Variants in HNF4G observed in about 807,000 individuals in gnomAD.
The protein encoded by HNF4G is hepatocyte nuclear factor 4-gamma.
In HNF4G, 21 loss-of-function variants were observed where a neutral mutation model predicts 50.9. That is an observed-to-expected ratio of 0.41 (90% confidence interval 0.29 to 0.59). The LOEUF (loss-of-function observed/expected upper bound fraction) is 0.59. Among genes scored for constraint, HNF4G ranks in the 20% least tolerant of loss-of-function variants. The pLI is 0.26. For missense variants in HNF4G, 527 were observed against 559.4 expected, an observed-to-expected ratio of 0.94 and a Z score of 0.58; for synonymous variants, 198 against 185.6, an observed-to-expected ratio of 1.07 and a Z score of -0.54.
chr8:75,494,658 C>A (rs1315366508), intron 2 of HNF4G, among the ~76,000 whole-genome samples: 9 of 151,768 alleles, frequency 5.9e-5, no homozygotes, highest in Non-Finnish European at 1.2e-4. Flanking sequence ...TAGATTACTG[C>A]CTTGAACATA....
intron 5 of HNF4G, among the ~76,000 whole-genome samples, chr8:75,555,008 A>G (rs757990259): frequency 2.0e-5 from 3 of 152,168 alleles, no homozygotes; most frequent in Non-Finnish European, 4.4e-5. Context: ...TGCAAGATGA[A>G]GTCAGAGACA....
intron 2 of HNF4G, among the ~76,000 whole-genome samples, chr8:75,510,061 A>G (rs557046066): frequency 6.6e-6 from 1 of 152,290 alleles, no homozygotes; most frequent in Admixed American, 6.5e-5. Context: ...TTTGTCCCTG[A>G]AAACCTTCCA....
intron 1 of HNF4G, among the ~76,000 whole-genome samples, chr8:75,426,183 A>G (rs1247996900): frequency 6.6e-6 from 1 of 152,184 alleles, no homozygotes; most frequent in Non-Finnish European, 1.5e-5. Context: ...ACAACAATAT[A>G]TTCCTAAGTT....
chr8:75,536,432 G>A (rs1806466277), upstream of HNF4G, among the ~76,000 whole-genome samples: 1 of 151,680 alleles, frequency 6.6e-6, no homozygotes, highest in Non-Finnish European at 1.5e-5. Flanking sequence ...TATCACTTAG[G>A]CATAAAATTA....
chr8:75,429,399 AT>A (rs1810957223), intron 1 of HNF4G, among the ~76,000 whole-genome samples: 1 of 151,922 alleles, frequency 6.6e-6, no homozygotes, highest in Non-Finnish European at 1.5e-5. Context: ...ATACAGACAT[AT>A]TAATATAAAG....
intron 2 of HNF4G, among the ~76,000 whole-genome samples, chr8:75,493,855 TA>T (rs1212631469): frequency 6.6e-6 from 1 of 152,206 alleles, no homozygotes; most frequent in Non-Finnish European, 1.5e-5. Flanking sequence ...AAAAAATGTT[TA>T]AAAATTTGTC....
At chr8:75,525,292 C>T (rs545137189) in intron 2 of HNF4G, among the ~76,000 whole-genome samples, 3 of 152,268 alleles carry the variant, frequency 2.0e-5, no homozygotes, top group African/African-American at 7.2e-5. Flanking sequence ...CCTCAGCCTC[C>T]TGAGTAGCTG....
intron 1 of HNF4G, among the ~76,000 whole-genome samples, chr8:75,542,204 C>G (rs961538843): frequency 6.6e-6 from 1 of 151,968 alleles, no homozygotes; most frequent in Non-Finnish European, 1.5e-5. Context: ...ACTCGGGAGG[C>G]TGAGGTGGGA....
rs972245332 is a variant in HNF4G, at chr8:75,566,110, C to A, written c.*2014C>A. On this transcript the variant is annotated 3_prime_UTR_variant, in exon 10 of 10. Transcript: ENST00000396423. ...TACTATGAACTTGGCAGCTTATAAA[C>A]AACAGAAATTTATTTCTCGCTGTTC... 2.6e-5 allele frequency: 4 copies of A among 151,988 alleles called. No individual in the cohort carries two copies. In the East Asian group the frequency reaches 5.8e-4, roughly 22 times the overall value. The allele number at this position is 151,988 out of a possible 1,614,324, so 9.4% of individuals were successfully genotyped here. A position where few individuals can be genotyped will look rare whatever the true frequency, so the allele number is the denominator to read the frequency against.
chr8:75,480,717 C>CTTTTTTTTTTTTTTTTTT (rs748221253), intron 1 of HNF4G, among the ~76,000 whole-genome samples: 3 of 123,914 alleles, frequency 2.4e-5, no homozygotes, highest in Non-Finnish European at 3.3e-5. Flanking sequence ...TTTTCTTTTT[C>CTTTTTTTTTTTTTTTTTT]TTTCTTTTTT....
chr8:75,458,129 C>T (rs1398605422), intron 1 of HNF4G, among the ~76,000 whole-genome samples: 3 of 151,996 alleles, frequency 2.0e-5, no homozygotes, highest in South Asian at 2.1e-4. Context: ...CTAGCCTGCT[C>T]ACTGGTAGGT....
At chr8:75,452,763 A>C (rs1811617488) in intron 1 of HNF4G, among the ~76,000 whole-genome samples, 1 of 152,168 alleles carries the variant, frequency 6.6e-6, no homozygotes, top group African/African-American at 2.4e-5. Context: ...GCAATTAGTA[A>C]CTGTTTGAGC....
chr8:75,421,669 A>C (rs1251112277), intron 1 of HNF4G, among the ~76,000 whole-genome samples: 2 of 152,216 alleles, frequency 1.3e-5, no homozygotes, highest in African/African-American at 2.4e-5. Flanking sequence ...TTGAGTGGGC[A>C]TCAGAATCAG....
intron 6 of HNF4G, among the ~76,000 whole-genome samples, chr8:75,557,234 G>A (rs1807154132): frequency 6.6e-6 from 1 of 152,070 alleles, no homozygotes; most frequent in South Asian, 2.1e-4. Flanking sequence ...AAGAAAGAGT[G>A]AAACTCAAAA....
chr8:75,435,646 T>G (rs1811117596), intron 1 of HNF4G, among the ~76,000 whole-genome samples: 3 of 152,178 alleles, frequency 2.0e-5, no homozygotes, highest in Non-Finnish European at 4.4e-5. Flanking sequence ...CAGGCTGGAG[T>G]GCAGTGGCAT....
intron 1 of HNF4G, among the ~76,000 whole-genome samples, chr8:75,541,770 C>T (rs1309115599): frequency 3.3e-5 from 5 of 151,862 alleles, no homozygotes; most frequent in Non-Finnish European, 1.5e-5. Flanking sequence ...AAGAAATATT[C>T]ATTTTATTAT....
intron 2 of HNF4G, among the ~76,000 whole-genome samples, chr8:75,530,665 G>T (rs1018005690): frequency 6.6e-6 from 1 of 152,064 alleles, no homozygotes; most frequent in African/African-American, 2.4e-5. Context: ...GGTCCCTATG[G>T]AGATCTAAAT....
upstream of HNF4G, among the ~76,000 whole-genome samples, chr8:75,538,146 C>A (rs749960827): frequency 1.4e-4 from 22 of 152,160 alleles, no homozygotes; most frequent in Non-Finnish European, 2.1e-4. Context: ...TGAGTTCTTA[C>A]TCTATGAAAT....
At chr8:75,437,657 G>C (rs1563506119) in intron 1 of HNF4G, among the ~76,000 whole-genome samples, 1 of 152,040 alleles carries the variant, frequency 6.6e-6, no homozygotes, top group South Asian at 2.1e-4. Context: ...CCTGGCAACA[G>C]AGTGAGACTC....
Sources: allele counts gnomAD v4.1 joint callset (sites outside exome capture counted in the v4.1 genomes callset), GRCh38; gene constraint gnomAD v4.1.1; transcripts MANE v1.5; gene names NCBI Gene and HGNC (gene_info 2026-07-23, HGNC 2026-07-21).